CAPN14: variants seen among roughly 807,000 people sequenced by gnomAD.
CAPN14 encodes calpain-14.
A neutral mutation model predicts 101.3 loss-of-function variants in CAPN14; 94 were observed. The ratio of observed to expected loss-of-function variants is 0.93; its 90% CI spans 0.79 to 1.10. The LOEUF (loss-of-function observed/expected upper bound fraction) is 1.10, where lower values mean the gene tolerates loss of function less well. CAPN14 is among the 50% of genes least tolerant of loss of function. CAPN14 has a pLI of 0.00. For missense variants in CAPN14, 837 were observed against 828.4 expected (o/e 1.01, Z -0.13); for synonymous variants, 338 against 317.9 (o/e 1.06, Z -0.67).
intron 8 of CAPN14, among the ~76,000 whole-genome samples, chr2:31,195,111 T>C (rs138804231): frequency 1.6e-4 from 24 of 152,046 alleles, no homozygotes; most frequent in African/African-American, 5.6e-4. Context: ...AATCTGGAGT[T>C]TGGGGAGATC....
Position 31,193,096 on chromosome 2 carries a change from C to T in CAPN14, c.1114+35G>A, listed in dbSNP as rs1468601419. 2.6e-6 allele frequency: 4 copies of T among 1,531,192 alleles called. No homozygotes were observed. In the African/African-American group the frequency reaches 4.1e-5, roughly 16 times the overall value. 94.9% of individuals were successfully genotyped at this position (1,531,192 alleles called of 1,614,324 possible). Reference sequence around the variant, plus strand: ...ATTCTGACACCCCCGCCCACAACCTCACCCTGAGAGCCCTGCTCCTGTGCA... The same window carrying T: ...ATTCTGACACCCCCGCCCACAACCTTACCCTGAGAGCCCTGCTCCTGTGCA... On this transcript the variant is annotated intron_variant, in intron 10 of 21. Coordinates refer to ENST00000403897, the MANE Select transcript of CAPN14 (RefSeq NM_001145122.2).
chr2:31,176,246 A>G (rs546808173), intron 21 of CAPN14, among the ~76,000 whole-genome samples: 163 of 152,332 alleles, frequency 1.1e-3, no homozygotes, highest in Non-Finnish European at 1.8e-3. Flanking sequence ...TACATGAGCA[A>G]GCCAGCTGAG....
chr2:31,232,131 T>C (rs1445595289), intron 1 of CAPN14, among the ~76,000 whole-genome samples: 2 of 152,212 alleles, frequency 1.3e-5, no homozygotes, highest in East Asian at 1.9e-4. Context: ...TTGAAGCTCC[T>C]GCAGGCACTT....
chr2:31,174,161 A>G lies in CAPN14; in HGVS notation c.*520T>C, dbSNP rs1008392479. The G allele has an allele frequency of 7.0e-5, 11 of 157,548 alleles. No homozygotes were observed. Among genetic ancestry groups the G allele is most frequent in the South Asian group, 3.9e-4 (2 of 5,170 alleles). 9.8% of individuals were successfully genotyped at this position (157,548 alleles called of 1,614,324 possible). ...TTACTGTCTGTGTTTCTGAAAGCCC[A>G]CTATATCCCTGACCCCATCCCCAAA... On this transcript the variant is annotated 3_prime_UTR_variant, in exon 22 of 22. Coordinates refer to ENST00000403897, the MANE Select transcript of CAPN14 (RefSeq NM_001145122.2).
At chr2:31,195,771 T>C (rs1681443374) in intron 8 of CAPN14, among the ~76,000 whole-genome samples, 1 of 152,044 alleles carries the variant, frequency 6.6e-6, no homozygotes, top group Non-Finnish European at 1.5e-5. Context: ...CTTCAAAGTA[T>C]CAAAACAATC....
chr2:31,199,421 A>C (rs1681638582), intron 7 of CAPN14, 49 bp downstream of exon 7: 1 of 1,452,610 alleles, frequency 6.9e-7, no homozygotes, highest in African/African-American at 1.4e-5. Flanking sequence ...GGGTCCAGAG[A>C]GGGAAGGGCA....
At chr2:31,205,807 G>C (rs556622016) in intron 1 of CAPN14, among the ~76,000 whole-genome samples, 1 of 152,154 alleles carries the variant, frequency 6.6e-6, no homozygotes, top group African/African-American at 2.4e-5. Context: ...CTTCTGCTTA[G>C]TGGGGAGGCA....
chr2:31,190,541 C>T (rs962409681), intron 12 of CAPN14, among the ~76,000 whole-genome samples: 4 of 152,084 alleles, frequency 2.6e-5, no homozygotes, highest in Non-Finnish European at 5.9e-5. Context: ...AGCTCTCATC[C>T]CTTTGTTATT....
intron 1 of CAPN14, among the ~76,000 whole-genome samples, chr2:31,207,652 A>G (rs1682169491): frequency 6.6e-6 from 1 of 152,124 alleles, no homozygotes; most frequent in African/African-American, 2.4e-5. Flanking sequence ...CTGTAATCTT[A>G]GCTACTTGGG....
At position 31,200,587 on chromosome 2, in the gene CAPN14, A is replaced by G. The variant is rs1282025401; in HGVS notation, c.590T>C (p.Val197Ala). 1 of 1,551,566 alleles carries G rather than the reference A, an allele frequency of 6.4e-7. No homozygotes were observed. Among genetic ancestry groups the G allele is most frequent in the East Asian group, 2.4e-5 (1 of 40,916 alleles). The change falls in exon 6 of 22, where the codon GTG becomes GCG. Residue 197 changes from valine to alanine, a missense_variant. Transcript: ENST00000403897. Reference sequence around the variant, plus strand: ...AGTGAAGTCTACAAGGGCTTCAGACACCTGTCCTGACTGCAAGTCTTCATA... The same window carrying G: ...AGTGAAGTCTACAAGGGCTTCAGACGCCTGTCCTGACTGCAAGTCTTCATA... ...GSYEDLQSGQVSEALVDFTGG... is the reference protein window; with the variant it reads ...GSYEDLQSGQASEALVDFTGG...
Position 31,180,974 on chromosome 2 carries a change from T to C in CAPN14, c.1672A>G (p.Ser558Gly). 1 of 1,551,788 alleles carries C rather than the reference T, an allele frequency of 6.4e-7. No individual in the cohort carries two copies. Among genetic ancestry groups the C allele is most frequent in the Non-Finnish European group, 8.7e-7 (1 of 1,147,008 alleles). Residue 558 changes from serine (S) to glycine (G), a missense_variant, in exon 17 of 22, where the codon AGC becomes GGC. Ser to Gly is a moderately conservative substitution (Grantham distance 56, BLOSUM62 0). Transcript: ENST00000403897. Reference protein sequence around the residue: ...SSLGSRQPFFSLEACQGILAL... With the variant: ...SSLGSRQPFFGLEACQGILAL... The stretch of plus-strand genomic sequence containing the variant: ...AGGATCCCCTGGCAGGCTTCCAGGC[T>C]AAAGAAGGGCTGTCTGCTCCCCAGA...
At chr2:31,177,473 T>C (rs776343611) in intron 19 of CAPN14, among the ~76,000 whole-genome samples, 9 of 152,268 alleles carry the variant, frequency 5.9e-5, no homozygotes, top group South Asian at 2.1e-4. Context: ...CCCCAGGCAA[T>C]TGAGCTTCAA....
At chr2:31,185,133 C>T (rs919317712) in intron 16 of CAPN14, among the ~76,000 whole-genome samples, 1 of 152,160 alleles carries the variant, frequency 6.6e-6, no homozygotes, top group Non-Finnish European at 1.5e-5. Flanking sequence ...TCTGCAGCTC[C>T]AATAAGCCTA....
At chr2:31,186,320 C>T in intron 16 of CAPN14, 108 bp downstream of exon 16, 1 of 644,230 alleles carries the variant, frequency 1.6e-6, no homozygotes, top group Non-Finnish European at 2.5e-6. Context: ...AGAGTTGAGA[C>T]CAGTGCTCAG....
At chr2:31,213,443 G>T (rs749293653) in intron 1 of CAPN14, among the ~76,000 whole-genome samples, 11 of 152,198 alleles carry the variant, frequency 7.2e-5, no homozygotes, top group Non-Finnish European at 1.0e-4. Flanking sequence ...TCATTGCCAC[G>T]GAGTTCTTAG....
chr2:31,182,874 C>T (rs1572393500), intron 16 of CAPN14, among the ~76,000 whole-genome samples: 1 of 151,582 alleles, frequency 6.6e-6, no homozygotes, highest in Admixed American at 6.6e-5. Flanking sequence ...GCCCGCATCG[C>T]CAAGTCAATC....
At chr2:31,202,032 AC>A in intron 4 of CAPN14, 34 bp from the exon 5 acceptor site, 1 of 1,550,550 alleles carries the variant, frequency 6.4e-7, no homozygotes, top group Non-Finnish European at 8.7e-7. Context: ...GTGAATGAGG[AC>A]TGCTGCAGAT....
chr2:31,202,872 A>G (rs975107143), intron 3 of CAPN14, among the ~76,000 whole-genome samples, 198 bp downstream of exon 3: 1 of 152,190 alleles, frequency 6.6e-6, no homozygotes, highest in Non-Finnish European at 1.5e-5. Context: ...ATTCCCACGC[A>G]TCCCCAGAGG....
chr2:31,221,120 T>C (rs1285385201), upstream of CAPN14, among the ~76,000 whole-genome samples: 2 of 152,240 alleles, frequency 1.3e-5, no homozygotes, highest in Non-Finnish European at 2.9e-5. Context: ...ATTTTTAGAA[T>C]GTCACAGAAA....
Sources: allele counts gnomAD v4.1 joint callset (sites outside exome capture counted in the v4.1 genomes callset), GRCh38; gene constraint gnomAD v4.1.1; transcripts MANE v1.5; gene names NCBI Gene and HGNC (gene_info 2026-07-23, HGNC 2026-07-21).